SDK1: variants seen among roughly 807,000 people sequenced by gnomAD.
SDK1 encodes the protein protein sidekick-1.
Under a neutral mutation model 245.5 loss-of-function variants are expected in SDK1, and 157 were observed. The ratio of observed to expected loss-of-function variants is 0.64; its 90% CI spans 0.56 to 0.73. The LOEUF (loss-of-function observed/expected upper bound fraction) is 0.73. Ranked by LOEUF, SDK1 falls within the 30% of genes least tolerant of loss-of-function variation. The pLI is 0.00. For missense variants in SDK1, 3,583 were observed against 3,002.3 expected (o/e 1.19, Z -4.52); for synonymous variants, 1,647 against 1,278.5 (o/e 1.29, Z -6.15).
chr7:3,815,725 C>G (rs1452067326), intron 4 of SDK1, among the ~76,000 whole-genome samples: 2 of 151,966 alleles, frequency 1.3e-5, no homozygotes, highest in African/African-American at 4.8e-5. Context: ...GAATTGAACT[C>G]AGCTGTGCAC....
At chr7:3,430,661 C>T (rs1346339483) in intron 1 of SDK1, among the ~76,000 whole-genome samples, 3 of 152,180 alleles carry the variant, frequency 2.0e-5, no homozygotes, top group Non-Finnish European at 4.4e-5. Flanking sequence ...TCCAGAATCC[C>T]AAAAGGCAGA....
chr7:3,635,649 C>T (rs1264327070), intron 2 of SDK1, among the ~76,000 whole-genome samples: 2 of 152,032 alleles, frequency 1.3e-5, no homozygotes, highest in Non-Finnish European at 2.9e-5. Context: ...TAAAGTGTAC[C>T]GTCACTCTGT....
At chr7:3,529,759 T>C (rs918960531) in intron 1 of SDK1, among the ~76,000 whole-genome samples, 1 of 152,146 alleles carries the variant, frequency 6.6e-6, no homozygotes, top group Non-Finnish European at 1.5e-5. Flanking sequence ...CATGTATTAA[T>C]TACAGAGGGA....
intron 5 of SDK1, among the ~76,000 whole-genome samples, chr7:3,866,005 G>T (rs1372500913): frequency 2.0e-5 from 3 of 152,182 alleles, no homozygotes; most frequent in Admixed American, 1.3e-4. Context: ...AAGGAGATGG[G>T]GATGCGAAGG....
At chr7:3,472,824 G>T (rs534705312) in intron 1 of SDK1, among the ~76,000 whole-genome samples, 1 of 152,140 alleles carries the variant, frequency 6.6e-6, no homozygotes, top group Non-Finnish European at 1.5e-5. Context: ...GTTGCTTGCC[G>T]TAGTTTTAGG....
intron 22 of SDK1, among the ~76,000 whole-genome samples, chr7:4,095,685 G>C (rs1782108210): frequency 6.6e-6 from 1 of 152,192 alleles, no homozygotes; most frequent in Non-Finnish European, 1.5e-5. Context: ...CGATTCTGCT[G>C]CCTCAGCCTC....
At chr7:3,766,663 G>A (rs1255023332) in intron 4 of SDK1, among the ~76,000 whole-genome samples, 1 of 152,098 alleles carries the variant, frequency 6.6e-6, no homozygotes, top group Admixed American at 6.5e-5. Context: ...TGGTTATTAT[G>A]GGCTATTATG....
chr7:3,831,482 T>C (rs1444472619), intron 5 of SDK1, among the ~76,000 whole-genome samples: 1 of 152,198 alleles, frequency 6.6e-6, no homozygotes, highest in Non-Finnish European at 1.5e-5. Flanking sequence ...CTAGGCTAAA[T>C]TGTCTTTTCA....
chr7:3,726,594 T>C (rs1779015016), intron 4 of SDK1, among the ~76,000 whole-genome samples: 1 of 152,260 alleles, frequency 6.6e-6, no homozygotes, highest in Admixed American at 6.5e-5. Flanking sequence ...TCTTTGTCGT[T>C]GAATCATCTC....
intron 4 of SDK1, among the ~76,000 whole-genome samples, chr7:3,702,115 C>T (rs1784758264): frequency 2.0e-5 from 3 of 151,922 alleles, no homozygotes; most frequent in Non-Finnish European, 4.4e-5. Context: ...GAGACACAGT[C>T]CATAAATGTA....
intron 19 of SDK1, among the ~76,000 whole-genome samples, chr7:4,058,284 C>T (rs369016188): frequency 1.1e-4 from 17 of 151,956 alleles, no homozygotes; most frequent in African/African-American, 3.4e-4. Context: ...TAAGCTTCGG[C>T]AGTAGACTAG....
chr7:3,720,692 C>G (rs976660511), intron 4 of SDK1, among the ~76,000 whole-genome samples: 1 of 152,204 alleles, frequency 6.6e-6, no homozygotes, highest in East Asian at 1.9e-4. Flanking sequence ...TCCCAACTTA[C>G]TCTGTGACCC....
At chr7:3,705,721 C>A (rs1784868881) in intron 4 of SDK1, among the ~76,000 whole-genome samples, 1 of 152,006 alleles carries the variant, frequency 6.6e-6, no homozygotes, top group Non-Finnish European at 1.5e-5. Flanking sequence ...TTGACTCTCT[C>A]TTTTCCAATT....
intron 1 of SDK1, among the ~76,000 whole-genome samples, chr7:3,529,963 C>T (rs1025543721): frequency 2.6e-5 from 4 of 152,070 alleles, no homozygotes; most frequent in Non-Finnish European, 5.9e-5. Flanking sequence ...GGCCTGAACT[C>T]TTACTATTAT....
chr7:3,888,349 C>G (rs780669468), intron 5 of SDK1, among the ~76,000 whole-genome samples: 6 of 152,218 alleles, frequency 3.9e-5, no homozygotes, highest in African/African-American at 1.2e-4. Flanking sequence ...CCCACAGCAT[C>G]GGGGTGGAAC....
chr7:4,007,738 C>T lies in SDK1; in HGVS notation c.2132-3228C>T, dbSNP rs542564158. Reference sequence around the variant, plus strand: ...TCTGTCTCAGCCTCCTGAGTAGCTGCGATTACAGGCACCTGCCACCACGCC... The same window carrying T: ...TCTGTCTCAGCCTCCTGAGTAGCTGTGATTACAGGCACCTGCCACCACGCC... On this transcript the variant is annotated intron_variant, in intron 14 of 44. Coordinates refer to ENST00000404826, the MANE Select transcript of SDK1 (RefSeq NM_152744.4). 7.2e-5 allele frequency among the ~76,000 whole-genome samples: 11 copies of T among 152,074 alleles called. No homozygotes were observed. The East Asian group carries it at 1.7e-3, about 24-fold the overall frequency.
chr7:3,612,998 G>T (rs181789286), intron 1 of SDK1, among the ~76,000 whole-genome samples: 6 of 152,230 alleles, frequency 3.9e-5, no homozygotes, highest in Middle Eastern at 3.4e-3. Context: ...AAATGCAGGA[G>T]AAAAGGGCAA....
intron 4 of SDK1, among the ~76,000 whole-genome samples, chr7:3,664,176 C>G (rs910015323): frequency 2.6e-5 from 4 of 152,058 alleles, no homozygotes; most frequent in Admixed American, 6.6e-5. Context: ...GAATGCTTGA[C>G]AAAAACATAC....
intron 5 of SDK1, among the ~76,000 whole-genome samples, chr7:3,858,937 G>A (rs34807258): frequency 3.5e-5 from 5 of 144,280 alleles, no homozygotes; most frequent in East Asian, 2.0e-4. Flanking sequence ...ATCTCGGCTC[G>A]CTGCAAGCTC....
Sources: allele counts gnomAD v4.1 joint callset (sites outside exome capture counted in the v4.1 genomes callset), GRCh38; gene constraint gnomAD v4.1.1; transcripts MANE v1.5; gene names NCBI Gene and HGNC (gene_info 2026-07-23, HGNC 2026-07-21).